Variants in SEMA5A observed in about 807,000 individuals in gnomAD.
SEMA5A encodes the protein semaphorin-5A.
In SEMA5A, 55 loss-of-function variants were observed where a neutral mutation model predicts 135.5. The ratio of observed to expected loss-of-function variants is 0.41; its 90% CI spans 0.33 to 0.51. The LOEUF is 0.51. SEMA5A is among the 20% of genes least tolerant of loss of function. The pLI is 0.37. For synonymous variants in SEMA5A, 580 were observed against 546.5 expected, an observed-to-expected ratio of 1.06 and a Z score of -0.85; for missense variants, 1,290 against 1,419.9, an observed-to-expected ratio of 0.91 and a Z score of 1.47.
chr5:9,503,488 A>G (rs541902251), intron 1 of SEMA5A, among the ~76,000 whole-genome samples: 1 of 152,340 alleles, frequency 6.6e-6, no homozygotes, highest in Non-Finnish European at 1.5e-5. Flanking sequence ...CTGGGCTCAC[A>G]ACATCCATGT....
chr5:9,373,032 A>G (rs1755209857), intron 3 of SEMA5A, among the ~76,000 whole-genome samples: 1 of 152,180 alleles, frequency 6.6e-6, no homozygotes, highest in Non-Finnish European at 1.5e-5. Context: ...TATGATGACA[A>G]CATGTAATAT....
chr5:9,274,075 G>C (rs933303144), intron 5 of SEMA5A, among the ~76,000 whole-genome samples: 1 of 152,164 alleles, frequency 6.6e-6, no homozygotes, highest in Non-Finnish European at 1.5e-5. Context: ...ACCCATCGGT[G>C]TGCTGTATTC....
chr5:9,376,877 G>A (rs1423745751), intron 3 of SEMA5A, among the ~76,000 whole-genome samples: 1 of 152,048 alleles, frequency 6.6e-6, no homozygotes, highest in Admixed American at 6.6e-5. Context: ...AGAGAATTGG[G>A]CAACATTTAC....
At position 9,226,906 on chromosome 5, in the gene SEMA5A, C is replaced by T. The variant is rs1236440537; in HGVS notation, c.395G>A (p.Gly132Glu). 1.9e-6 allele frequency: 3 copies of T among 1,590,730 alleles called. No homozygotes were observed. The highest frequency in any genetic ancestry group is 2.6e-6 in the Non-Finnish European group (3 of 1,166,932). The change falls in exon 7 of 23, where the codon GGG becomes GAG. Residue 132 changes from glycine (G) to glutamate (E), a missense_variant. Around this residue, in one of 3 missense-constraint regions of SEMA5A, gnomAD observed 145 missense variants for 212.0 expected, o/e 0.68. Transcript: ENST00000382496. ...GCAGACAGGCGTGAATGCATTGGTC[C>T]CACAGGTGAATAACCGGTCGCCACC... The part of the protein sequence containing the change: ...LVGGDRLFTC[G>E]TNAFTPVCTN...
At chr5:9,453,807 G>A (rs184493923) in intron 1 of SEMA5A, among the ~76,000 whole-genome samples, 6 of 152,198 alleles carry the variant, frequency 3.9e-5, no homozygotes, top group South Asian at 2.1e-4. Context: ...AAGAAAAGAC[G>A]TAAAATATCA....
chr5:9,266,622 G>A (rs374227639), intron 5 of SEMA5A, among the ~76,000 whole-genome samples: 1 of 152,204 alleles, frequency 6.6e-6, no homozygotes, highest in Non-Finnish European at 1.5e-5. Context: ...GAGAAAGAAT[G>A]TAGGAAGATT....
rs375533353 is a variant in SEMA5A at position 9,077,825 on chromosome 5, A to C, written c.2074-11179T>G. 8.5e-5 allele frequency among the ~76,000 whole-genome samples: 13 copies of C among 152,320 alleles called. No homozygotes were observed. In the East Asian group the frequency reaches 2.5e-3, roughly 29 times the overall value. ...AACCTGGGTTCTTCTAAGTGCAGAA[A>C]AGCAAACACATACTCCTCTGCTTTC... On this transcript the variant is annotated intron_variant, in intron 16 of 22. Transcript: ENST00000382496.
rs1315218613 is a variant in SEMA5A at position 9,384,637 on chromosome 5, TAG to T, written c.-77-4616_-77-4615del. Among the ~76,000 whole-genome samples the T allele has an allele frequency of 1.9e-3, 226 of 119,186 alleles. 9 individuals are homozygous for T. Among genetic ancestry groups the T allele is most frequent in the Middle Eastern group, 8.9e-3 (2 of 224 alleles). 78.2% of individuals were successfully genotyped at this position (119,186 alleles called of 152,430 possible). On this transcript the variant is annotated intron_variant, in intron 2 of 22. Transcript: ENST00000382496. Reference sequence around the variant, plus strand: ...ATAGATACATAGATAGATAGATAGATAGATAGATAGATAGATAGATAGATATA... The same window carrying T: ...ATAGATACATAGATAGATAGATAGATATAGATAGATAGATAGATAGATATA...
At chr5:9,316,311 A>T (rs563887859) in intron 5 of SEMA5A, among the ~76,000 whole-genome samples, 1 of 152,194 alleles carries the variant, frequency 6.6e-6, no homozygotes, top group Non-Finnish European at 1.5e-5. Context: ...AGATTAAGTC[A>T]CTTCTCAAAA....
chr5:9,381,942 T>TGTGTGTG (rs1755628173), intron 2 of SEMA5A, among the ~76,000 whole-genome samples: 1 of 109,304 alleles, frequency 9.1e-6, no homozygotes, highest in Non-Finnish European at 1.8e-5. Flanking sequence ...TAGAATCATT[T>TGTGTGTG]TGTGTGTGTG....
chr5:9,207,906 TAGATAGATA>T (rs1746134188), intron 8 of SEMA5A, among the ~76,000 whole-genome samples: 1 of 48,432 alleles, frequency 2.1e-5, no homozygotes, highest in Non-Finnish European at 5.1e-5. Flanking sequence ...GATACATAGA[TAGATAGATA>T]ATAGATAGAT....
intron 5 of SEMA5A, among the ~76,000 whole-genome samples, chr5:9,302,620 T>A (rs1304550810): frequency 2.6e-5 from 4 of 152,164 alleles, no homozygotes; most frequent in Non-Finnish European, 5.9e-5. Flanking sequence ...CATCAAGGCA[T>A]GATCTCAGAG....
intron 11 of SEMA5A, among the ~76,000 whole-genome samples, chr5:9,187,777 T>C (rs990269414): frequency 2.0e-5 from 3 of 152,216 alleles, no homozygotes; most frequent in Admixed American, 6.5e-5. Context: ...ATTTGCCAAA[T>C]GGCACATAGT....
chr5:9,230,857 G>C (rs1806019), intron 6 of SEMA5A, among the ~76,000 whole-genome samples: 1 of 152,168 alleles, frequency 6.6e-6, no homozygotes, highest in African/African-American at 2.4e-5. Flanking sequence ...GGAGCAACGA[G>C]TGGAGGTGGG....
intron 5 of SEMA5A, among the ~76,000 whole-genome samples, chr5:9,289,541 G>T (rs6555598): frequency 0.95 from 144,371 of 152,080 alleles, 68,966 homozygotes; most frequent in Non-Finnish European, 1. Context: ...GGCACGTGCC[G>T]GTAGTCCCAG....
chr5:9,396,024 A>C (rs1473793791), intron 2 of SEMA5A, among the ~76,000 whole-genome samples: 1 of 152,220 alleles, frequency 6.6e-6, no homozygotes, highest in East Asian at 1.9e-4. Context: ...GCAGGGGCAC[A>C]CAGACAGATC....
At chr5:9,287,341 ATAG>A in intron 5 of SEMA5A, among the ~76,000 whole-genome samples, 1 of 152,324 alleles carries the variant, frequency 6.6e-6, no homozygotes, top group Non-Finnish European at 1.5e-5. Context: ...ACATAATACA[ATAG>A]ATATTATTCA....
At chr5:9,466,101 G>A (rs1470498110) in intron 1 of SEMA5A, among the ~76,000 whole-genome samples, 1 of 152,122 alleles carries the variant, frequency 6.6e-6, no homozygotes, top group South Asian at 2.1e-4. Flanking sequence ...AGAGTTGGGG[G>A]TGCAAGTATC....
At chr5:9,280,617 A>G (rs370987416) in intron 5 of SEMA5A, among the ~76,000 whole-genome samples, 1 of 152,238 alleles carries the variant, frequency 6.6e-6, no homozygotes. Context: ...TTCCTACATT[A>G]AAAATATGCA....
Sources: allele counts gnomAD v4.1 joint callset (sites outside exome capture counted in the v4.1 genomes callset), GRCh38; gene constraint gnomAD v4.1.1; regional missense constraint gnomAD v4.1.1; transcripts MANE v1.5; gene names NCBI Gene and HGNC (gene_info 2026-07-23, HGNC 2026-07-21).